The following CSMD1 variants were observed in gnomAD, a reference collection of about 807,000 sequenced individuals.
CSMD1 encodes CUB and Sushi multiple domains 1, also known as CUB and sushi domain-containing protein 1.
In CSMD1, 213 loss-of-function variants were observed where a neutral mutation model predicts 417.5. The observed-to-expected ratio is 0.51, with a 90% confidence interval of 0.46 to 0.57. The LOEUF is 0.57. Ranked by LOEUF, CSMD1 falls within the 20% of genes least tolerant of loss-of-function variation. The pLI, the probability that CSMD1 is intolerant of heterozygous loss-of-function variation, is 0.00. For synonymous variants in CSMD1, 2,862 were observed against 1,736.8 expected (o/e 1.65, Z -16.11); for missense variants, 6,923 against 4,529.7 (o/e 1.53, Z -15.17).
At chr8:4,640,228 C>T (rs1453222936) in intron 1 of CSMD1, among the ~76,000 whole-genome samples, 4 of 152,162 alleles carry the variant, frequency 2.6e-5, no homozygotes, top group Non-Finnish European at 5.9e-5. Flanking sequence ...CATTCCATAG[C>T]ACCGGTTAGA....
At chr8:4,343,243 C>T (rs914455026) in intron 3 of CSMD1, among the ~76,000 whole-genome samples, 3 of 151,956 alleles carry the variant, frequency 2.0e-5, no homozygotes, top group African/African-American at 7.2e-5. Context: ...AAGACACAGA[C>T]AGGAGGATGG....
intron 1 of CSMD1, among the ~76,000 whole-genome samples, chr8:4,888,698 T>G (rs1803912492): frequency 6.6e-6 from 1 of 152,064 alleles, no homozygotes; most frequent in Non-Finnish European, 1.5e-5. Flanking sequence ...AGGTAATGAC[T>G]CATTCCATGG....
chr8:4,767,227 G>T (rs187576435), intron 1 of CSMD1, among the ~76,000 whole-genome samples: 1 of 152,136 alleles, frequency 6.6e-6, no homozygotes, highest in Non-Finnish European at 1.5e-5. Flanking sequence ...GTACACTGTC[G>T]AGTCCCAAAT....
chr8:3,300,331 G>T (rs1804293503), intron 25 of CSMD1, among the ~76,000 whole-genome samples: 1 of 151,692 alleles, frequency 6.6e-6, no homozygotes, highest in Non-Finnish European at 1.5e-5. Flanking sequence ...TTTCTTTGGT[G>T]TTTAAGATTA....
chr8:3,492,381 C>G (rs1030686372), intron 11 of CSMD1, among the ~76,000 whole-genome samples: 3 of 152,146 alleles, frequency 2.0e-5, no homozygotes, highest in Non-Finnish European at 4.4e-5. Context: ...CAGAAACTCT[C>G]TTTCCCACAA....
In CSMD1 at chr8:4,185,561, C is replaced by G. The variant is rs1448869582; in HGVS notation, c.416-153462G>C. ...AAACATGCGCTAATTTTTTAACACA[C>G]AAATGGATCAAAAGTATCCTACCTA... On this transcript the variant is annotated intron_variant, in intron 3 of 69. Transcript: ENST00000635120. Among the ~76,000 whole-genome samples, 4 of 152,162 alleles carry G rather than the reference C, an allele frequency of 2.6e-5. No individual in the cohort carries two copies. The East Asian group carries it at 7.7e-4, about 29-fold the overall frequency.
rs1245154997 is a variant in CSMD1 at position 4,266,685 on chromosome 8, C to G, written c.415+153268G>C. ...TGATATAACTTGAAAAATACATTATCAAAGAATTATACTTAGTTTTATACA... is the reference window on the plus strand; with the variant it reads ...TGATATAACTTGAAAAATACATTATGAAAGAATTATACTTAGTTTTATACA... On this transcript the variant is annotated intron_variant, in intron 3 of 69. Transcript: ENST00000635120. Among the ~76,000 whole-genome samples the G allele has an allele frequency of 3.8e-5, 4 of 104,130 alleles. 2 individuals carry two copies. Among genetic ancestry groups the G allele is most frequent in the Non-Finnish European group, 1.0e-4 (4 of 38,616 alleles). The allele number at this position is 104,130 out of a possible 152,430, so 68.3% of individuals were successfully genotyped here.
chr8:3,397,882 A>G (rs1484690228), intron 16 of CSMD1, among the ~76,000 whole-genome samples: 1 of 152,102 alleles, frequency 6.6e-6, no homozygotes, highest in African/African-American at 2.4e-5. Flanking sequence ...TGTGCGCACA[A>G]TCCCATCCTT....
intron 5 of CSMD1, among the ~76,000 whole-genome samples, chr8:3,791,890 A>C (rs187655230): frequency 1.3e-3 from 194 of 152,262 alleles, no homozygotes; most frequent in African/African-American, 4.6e-3. Flanking sequence ...AAGTAATTGC[A>C]GTTTTTGGCA....
At chr8:4,337,092 C>A (rs774807819) in intron 3 of CSMD1, among the ~76,000 whole-genome samples, 1 of 152,116 alleles carries the variant, frequency 6.6e-6, no homozygotes, top group Non-Finnish European at 1.5e-5. Flanking sequence ...GGGTTGCCAA[C>A]GTTGCGGCCA....
chr8:4,925,486 T>C (rs576871613), intron 1 of CSMD1, among the ~76,000 whole-genome samples: 4 of 152,140 alleles, frequency 2.6e-5, no homozygotes, highest in African/African-American at 9.6e-5. Flanking sequence ...CTCAGTAATT[T>C]CTAGTCTTGT....
chr8:4,748,362 T>A (rs375860708), intron 1 of CSMD1, among the ~76,000 whole-genome samples: 2 of 152,262 alleles, frequency 1.3e-5, no homozygotes, highest in Non-Finnish European at 2.9e-5. Flanking sequence ...TTTCTTAGCA[T>A]GGTTTTCTGC....
intron 26 of CSMD1, among the ~76,000 whole-genome samples, chr8:3,267,334 C>G (rs950802446): frequency 1.3e-5 from 2 of 152,202 alleles, no homozygotes; most frequent in Non-Finnish European, 2.9e-5. Context: ...ACAAGATCAT[C>G]TATCGCGTAC....
intron 5 of CSMD1, among the ~76,000 whole-genome samples, chr8:3,923,412 T>C (rs1047501902): frequency 8.5e-5 from 13 of 152,348 alleles, no homozygotes; most frequent in Non-Finnish European, 1.6e-4. Context: ...ATTTTGTCAA[T>C]TTGATTATAT....
At chr8:3,856,674 C>T (rs996071074) in intron 5 of CSMD1, among the ~76,000 whole-genome samples, 4 of 152,152 alleles carry the variant, frequency 2.6e-5, no homozygotes, top group African/African-American at 7.2e-5. Flanking sequence ...CTCCTAAGTG[C>T]CCACATGGCC....
At chr8:4,990,427 G>A (rs576723452) in intron 1 of CSMD1, among the ~76,000 whole-genome samples, 74 of 151,844 alleles carry the variant, frequency 4.9e-4, no homozygotes, top group African/African-American at 1.6e-3. Flanking sequence ...GCAATGGCAC[G>A]ATCTCAGCCT....
intron 5 of CSMD1, among the ~76,000 whole-genome samples, chr8:3,934,371 G>C (rs1013331009): frequency 6.6e-6 from 1 of 152,126 alleles, no homozygotes; most frequent in Non-Finnish European, 1.5e-5. Context: ...ATTTAGTCTT[G>C]CACTGATTTT....
intron 2 of CSMD1, among the ~76,000 whole-genome samples, chr8:4,552,226 C>A (rs765983404): frequency 6.6e-6 from 1 of 152,094 alleles, no homozygotes; most frequent in African/African-American, 2.4e-5. Context: ...TCAATGTGAG[C>A]CTCCCTTTCA....
chr8:3,499,652 G>C (rs952698428), intron 10 of CSMD1, among the ~76,000 whole-genome samples: 1 of 152,032 alleles, frequency 6.6e-6, no homozygotes, highest in Non-Finnish European at 1.5e-5. Flanking sequence ...CCCCTGTCTT[G>C]AGAGTGGCCT....
Sources: gnomAD v4.1 joint callset for allele counts (sites outside exome capture counted in the v4.1 genomes callset) on GRCh38, gnomAD v4.1.1 for gene constraint, MANE v1.5 for transcripts, NCBI Gene and HGNC (gene_info 2026-07-23, HGNC 2026-07-21) for gene names.